RERE: variants seen among roughly 807,000 people sequenced by gnomAD.
RERE encodes arginine-glutamic acid dipeptide repeats.
RERE carries 40 observed loss-of-function variants against 146.1 expected under a neutral mutation model. The ratio of observed to expected loss-of-function variants is 0.27; its 90% CI spans 0.21 to 0.36. RERE has a LOEUF of 0.36. Ranked by LOEUF, RERE falls within the 10% of genes least tolerant of loss-of-function variation. The probability of loss-of-function intolerance (pLI) is 1.00; values close to 1 mark genes in which losing one functional copy is unlikely to be tolerated. For missense variants in RERE, 1,933 were observed against 2,138.7 expected (o/e 0.90, Z 1.90); for synonymous variants, 1,003 against 866.0 (o/e 1.16, Z -2.78).
intron 11 of RERE, among the ~76,000 whole-genome samples, chr1:8,454,892 G>A (rs1644434212): frequency 6.6e-6 from 1 of 151,820 alleles, no homozygotes. Flanking sequence ...CTTTCTTGAG[G>A]CCACACAGGT....
intron 15 of RERE, 82 bp from the exon 16 acceptor site, chr1:8,362,926 G>A: frequency 1.4e-6 from 2 of 1,480,188 alleles, no homozygotes; most frequent in Middle Eastern, 2.5e-4. Context: ...ACAGGCAGAA[G>A]CCTGAAGGCA....
chr1:8,586,010 C>T (rs534246663), intron 4 of RERE, among the ~76,000 whole-genome samples: 2 of 152,164 alleles, frequency 1.3e-5, no homozygotes, highest in South Asian at 4.1e-4. Flanking sequence ...TGGAACAGAC[C>T]TGAGTCTCAT....
At chr1:8,661,498 C>T (rs1280726859) in intron 1 of RERE, among the ~76,000 whole-genome samples, 2 of 152,070 alleles carry the variant, frequency 1.3e-5, no homozygotes, top group Non-Finnish European at 2.9e-5. Flanking sequence ...TCACTCTGGC[C>T]GCTGATAAAA....
At chr1:8,467,477 C>T (rs904921882) in intron 10 of RERE, among the ~76,000 whole-genome samples, 2 of 152,172 alleles carry the variant, frequency 1.3e-5, no homozygotes, top group East Asian at 1.9e-4. Flanking sequence ...CATGCAGATG[C>T]CTTCCTGGCA....
intron 1 of RERE, among the ~76,000 whole-genome samples, chr1:8,721,430 G>A (rs1255668425): frequency 6.6e-6 from 1 of 152,132 alleles, no homozygotes; most frequent in East Asian, 1.9e-4. Flanking sequence ...TCCTGCCTCA[G>A]CCTCCCGAGT....
At chr1:8,605,169 G>C (rs749959564) in intron 4 of RERE, among the ~76,000 whole-genome samples, 9 of 151,942 alleles carry the variant, frequency 5.9e-5, no homozygotes, top group Admixed American at 2.0e-4. Flanking sequence ...ACGGAGTCTC[G>C]CTCTGTCGCC....
intron 12 of RERE, among the ~76,000 whole-genome samples, chr1:8,410,827 G>C (rs550779655): frequency 6.6e-6 from 1 of 152,214 alleles, no homozygotes; most frequent in South Asian, 2.1e-4. Context: ...TTTCCCTCCA[G>C]TATGCACCGT....
chr1:8,530,169 T>C (rs1374928641), intron 7 of RERE, among the ~76,000 whole-genome samples: 1 of 152,212 alleles, frequency 6.6e-6, no homozygotes, highest in African/African-American at 2.4e-5. Flanking sequence ...TGTACATCTA[T>C]AATCTCTGGA....
intron 2 of RERE, among the ~76,000 whole-genome samples, chr1:8,641,490 C>T (rs376227507): frequency 1.3e-5 from 2 of 152,198 alleles, no homozygotes; most frequent in South Asian, 2.1e-4. Flanking sequence ...AATCTCAGTC[C>T]AATTAGATTC....
intron 10 of RERE, among the ~76,000 whole-genome samples, chr1:8,486,049 C>T (rs1226807219): frequency 6.6e-6 from 1 of 152,134 alleles, no homozygotes; most frequent in South Asian, 2.1e-4. Context: ...CCGCCCACCT[C>T]GGCCTCCCAA....
intron 1 of RERE, among the ~76,000 whole-genome samples, chr1:8,809,674 C>T (rs1449551469): frequency 1.3e-5 from 2 of 152,130 alleles, no homozygotes; most frequent in Non-Finnish European, 2.9e-5. Context: ...AATAATAATT[C>T]ATTTTACAAA....
chr1:8,435,845 T>C (rs1644162599), intron 11 of RERE, among the ~76,000 whole-genome samples: 1 of 152,236 alleles, frequency 6.6e-6, no homozygotes, highest in South Asian at 2.1e-4. Context: ...ACTGAAGTCC[T>C]TTCATTATTG....
At chr1:8,563,934 T>C (rs1340826209) in intron 4 of RERE, among the ~76,000 whole-genome samples, 1 of 152,222 alleles carries the variant, frequency 6.6e-6, no homozygotes, top group East Asian at 1.9e-4. Flanking sequence ...AAACTTTTAA[T>C]TGGTAGTCAG....
At chr1:8,495,393 C>A (rs957982134) in intron 9 of RERE, among the ~76,000 whole-genome samples, 3 of 151,952 alleles carry the variant, frequency 2.0e-5, no homozygotes, top group African/African-American at 7.3e-5. Context: ...TGGCTCACTG[C>A]AACCTCCACC....
intron 12 of RERE, among the ~76,000 whole-genome samples, chr1:8,393,576 A>G (rs924010610): frequency 6.6e-6 from 1 of 152,228 alleles, no homozygotes; most frequent in African/African-American, 2.4e-5. Flanking sequence ...AATAATACAC[A>G]GTGTTCATAA....
intron 1 of RERE, among the ~76,000 whole-genome samples, chr1:8,770,455 A>G (rs1193906042): frequency 2.0e-5 from 3 of 152,200 alleles, no homozygotes; most frequent in East Asian, 1.9e-4. Flanking sequence ...AGATTTAGAG[A>G]AAATGTCACC....
At chr1:8,476,039 C>T (rs1436912227) in intron 10 of RERE, among the ~76,000 whole-genome samples, 1 of 152,156 alleles carries the variant, frequency 6.6e-6, no homozygotes, top group Non-Finnish European at 1.5e-5. Flanking sequence ...AACCAATCTT[C>T]CCTCCCTCTT....
At chr1:8,811,388 C>T (rs778237605) in intron 1 of RERE, among the ~76,000 whole-genome samples, 37 of 152,196 alleles carry the variant, frequency 2.4e-4, no homozygotes, top group Non-Finnish European at 5.1e-4. Flanking sequence ...AGGAGGATCA[C>T]TTGAGCCTAG....
At chr1:8,604,626 A>C (rs373373323) in intron 4 of RERE, among the ~76,000 whole-genome samples, 1 of 116,654 alleles carries the variant, frequency 8.6e-6, no homozygotes, top group Non-Finnish European at 1.7e-5. Context: ...GGGAGGGAGG[A>C]AGGAAGGAAG....
Sources: allele counts gnomAD v4.1 joint callset (sites outside exome capture counted in the v4.1 genomes callset), GRCh38; gene constraint gnomAD v4.1.1; transcripts MANE v1.5; gene names NCBI Gene and HGNC (gene_info 2026-07-23, HGNC 2026-07-21).